The following STAB2 variants were observed in gnomAD, a reference collection of about 807,000 sequenced individuals.
STAB2 encodes stabilin 2.
STAB2 carries 288 observed loss-of-function variants against 338.1 expected under a neutral mutation model. The observed-to-expected ratio is 0.85, with a 90% confidence interval of 0.77 to 0.94. STAB2 has a LOEUF of 0.94. Among genes scored for constraint, STAB2 ranks in the 40% least tolerant of loss-of-function variants. The probability of loss-of-function intolerance (pLI) is 0.00; values close to 1 mark genes in which losing one functional copy is unlikely to be tolerated. For missense variants in STAB2, 3,141 were observed against 3,210.1 expected, an observed-to-expected ratio of 0.98 and a Z score of 0.52; for synonymous variants, 1,202 against 1,193.3, an observed-to-expected ratio of 1.01 and a Z score of -0.15.
intron 38 of STAB2, 84 bp from the exon 39 acceptor site, chr12:103,708,357 C>A: frequency 1.5e-6 from 2 of 1,371,638 alleles, no homozygotes; most frequent in Non-Finnish European, 2.1e-6. Flanking sequence ...GAATTAAGTG[C>A]AATAAAGCAA....
intron 3 of STAB2, among the ~76,000 whole-genome samples, chr12:103,613,066 A>G (rs988393221): frequency 1.3e-5 from 2 of 152,102 alleles, no homozygotes; most frequent in Admixed American, 6.5e-5. Context: ...TCAGAGGGCT[A>G]CCCGGCCGTG....
At position 103,640,175 on chromosome 12, in the gene STAB2, G is replaced by A. The variant is rs190090440; in HGVS notation, c.959G>A (p.Cys320Tyr). The A allele has an allele frequency of 8.1e-6, 13 of 1,613,854 alleles. No homozygotes were observed. In the Admixed American group the frequency reaches 2.0e-4, roughly 25 times the overall value. The stretch of plus-strand genomic sequence containing the variant: ...CAGAATTTCGTACCTGGAGTGGGGT[G>A]CAGTATGACTGATATATGTAAATCA... ...HYQNFVPGVG[C>Y]SMTDICKSDN... The change falls in exon 9 of 69, where the codon TGC becomes TAC. Residue 320 changes from cysteine to tyrosine, a missense_variant. Coordinates refer to ENST00000388887, the MANE Select transcript of STAB2 (RefSeq NM_017564.10).
At chr12:103,650,038 G>T (rs1873621565) in intron 10 of STAB2, among the ~76,000 whole-genome samples, 1 of 152,102 alleles carries the variant, frequency 6.6e-6, no homozygotes, top group South Asian at 2.1e-4. Context: ...GAAAATGTAG[G>T]ATTCTTTGTT....
chr12:103,640,017 C>T, intron 8 of STAB2, 106 bp from the exon 9 acceptor site: 1 of 1,387,384 alleles, frequency 7.2e-7, no homozygotes. Context: ...TTCAGACATA[C>T]TCTGAGTGAG....
chr12:103,598,945 G>T (rs1347240206), intron 3 of STAB2, among the ~76,000 whole-genome samples: 1 of 152,144 alleles, frequency 6.6e-6, no homozygotes, highest in Admixed American at 6.6e-5. Context: ...AAAAACAATT[G>T]TACCTGTGAG....
At chr12:103,755,027 A>T (rs1883987869) in intron 61 of STAB2, 2 of 414,824 alleles carry the variant, frequency 4.8e-6, no homozygotes, top group Admixed American at 7.4e-5. Flanking sequence ...GTATCAATGG[A>T]TGACAGCAAA....
chr12:103,718,168 A>C (rs6539099), intron 44 of STAB2, among the ~76,000 whole-genome samples: 41,426 of 152,094 alleles, frequency 0.27, 9,149 homozygotes, highest in African/African-American at 0.61. Context: ...CTAGGAAGCC[A>C]TCTTAGGTAA....
chr12:103,607,256 CT>C (rs1293063232), intron 3 of STAB2, among the ~76,000 whole-genome samples: 1 of 151,854 alleles, frequency 6.6e-6, no homozygotes, highest in Non-Finnish European at 1.5e-5. Context: ...TTCTCCCTTC[CT>C]CCTTTTCAGA....
intron 3 of STAB2, among the ~76,000 whole-genome samples, chr12:103,601,024 A>G (rs1184174437): frequency 1.3e-5 from 2 of 152,266 alleles, no homozygotes; most frequent in African/African-American, 4.8e-5. Flanking sequence ...GCAAAATATT[A>G]TAAGTAGTCC....
chr12:103,648,679 C>A lies in STAB2; in HGVS notation c.1041-11C>A, dbSNP rs1243084839. ...TAAAACCCTGAGGATGTCTTTTCCC[C>A]CTCTCTGTAGATGCATTTGCCAGAA... is the stretch of plus-strand genomic sequence containing the variant. On this transcript the variant is annotated splice_polypyrimidine_tract_variant and intron_variant, in intron 9 of 68. Transcript: ENST00000388887. The A allele has an allele frequency of 6.2e-7, 1 of 1,612,404 alleles. No individual in the cohort carries two copies. The highest frequency in any genetic ancestry group is 1.1e-5 in the South Asian group (1 of 90,690).
At chr12:103,662,256 G>T (rs1473796882) in intron 17 of STAB2, among the ~76,000 whole-genome samples, 1 of 152,196 alleles carries the variant, frequency 6.6e-6, no homozygotes, top group African/African-American at 2.4e-5. Context: ...AAATGGGGGT[G>T]AAGACAGAGG....
chr12:103,667,116 C>G (rs1459450853), intron 19 of STAB2, among the ~76,000 whole-genome samples: 1 of 152,182 alleles, frequency 6.6e-6, no homozygotes, highest in African/African-American at 2.4e-5. Flanking sequence ...GCATTAAACA[C>G]TAGAATAGAT....
At chr12:103,746,562 T>C (rs1883048791) in intron 57 of STAB2, 35 bp from the exon 58 acceptor site, 1 of 1,601,914 alleles carries the variant, frequency 6.2e-7, no homozygotes, top group Non-Finnish European at 8.6e-7. Flanking sequence ...CTTCACACCA[T>C]GGGTACAGAA....
chr12:103,616,621 G>C (rs577404824), intron 3 of STAB2, among the ~76,000 whole-genome samples: 2 of 152,360 alleles, frequency 1.3e-5, no homozygotes, highest in East Asian at 3.9e-4. Context: ...GCCCTGTGTT[G>C]TTCTGAGCAA....
At chr12:103,596,944 C>A (rs186157460) in intron 3 of STAB2, among the ~76,000 whole-genome samples, 149 of 101,248 alleles carry the variant, frequency 1.5e-3, no homozygotes, top group African/African-American at 5.8e-3. Context: ...TAGAGTGAGA[C>A]CCTATCTCAA....
chr12:103,660,551 A>G lies in STAB2; in HGVS notation c.1789-132A>G, dbSNP rs1271265065. ...TATCAGAGCGATCTTCAAAGCCACA[A>G]AAACTCTTGAGATCAAAACTCCCTT... On this transcript the variant is annotated intron_variant, in intron 16 of 68. Transcript: ENST00000388887. 5 of 1,306,100 alleles carry G rather than the reference A, an allele frequency of 3.8e-6. No homozygotes were observed. The African/African-American group carries it at 7.3e-5, about 19-fold the overall frequency. The allele number at this position is 1,306,100 out of a possible 1,614,324, so 80.9% of individuals were successfully genotyped here. A position where few individuals can be genotyped will look rare whatever the true frequency, so the allele number is the denominator to read the frequency against.
Position 103,680,156 on chromosome 12 carries a change from G to A in STAB2, c.2805+2545G>A, listed in dbSNP as rs181049303. On this transcript the variant is annotated intron_variant, in intron 25 of 68. Transcript: ENST00000388887. ...GAGGAACGAGGAGTTATTGTGTAAC[G>A]GGTCTGGAGTTTCAGTCTGGGAAGA... Among the ~76,000 whole-genome samples, 7 of 152,326 alleles carry A rather than the reference G, an allele frequency of 4.6e-5. No individual in the cohort carries two copies. In the East Asian group the frequency reaches 1.3e-3, roughly 29 times the overall value.
intron 25 of STAB2, among the ~76,000 whole-genome samples, chr12:103,678,566 G>A (rs978657451): frequency 6.6e-6 from 1 of 152,076 alleles, no homozygotes; most frequent in African/African-American, 2.4e-5. Flanking sequence ...TCGCTCTGTC[G>A]CCCAGGCTGG....
At chr12:103,601,697 A>G (rs1956957091) in intron 3 of STAB2, among the ~76,000 whole-genome samples, 1 of 152,212 alleles carries the variant, frequency 6.6e-6, no homozygotes, top group African/African-American at 2.4e-5. Flanking sequence ...ATGCCTCCTG[A>G]ACATTTATTT....
Sources: allele counts gnomAD v4.1 joint callset (sites outside exome capture counted in the v4.1 genomes callset), GRCh38; gene constraint gnomAD v4.1.1; transcripts MANE v1.5; gene names NCBI Gene and HGNC (gene_info 2026-07-23, HGNC 2026-07-21).